Variants in ADAMTS14 observed in about 807,000 individuals in gnomAD.
ADAMTS14 encodes the protein ADAM metallopeptidase with thrombospondin type 1 motif 14, also known as A disintegrin and metalloproteinase with thrombospondin motifs 14.
ADAMTS14 carries 100 observed loss-of-function variants against 128.6 expected under a neutral mutation model. The observed-to-expected ratio is 0.78, with a 90% CI of 0.66 to 0.92. The LOEUF (loss-of-function observed/expected upper bound fraction) is 0.92. Ranked by LOEUF, ADAMTS14 falls within the 40% of genes least tolerant of loss-of-function variation. ADAMTS14 has a pLI of 0.00. For missense variants in ADAMTS14, 1,562 were observed against 1,658.6 expected (o/e 0.94, Z 1.01); for synonymous variants, 665 against 653.8 (o/e 1.02, Z -0.26).
chr10:70,727,911 C>T lies in ADAMTS14; in HGVS notation c.871-1383C>T, dbSNP rs185246769. ...GAGATCGAGACCATCCTGGCTAACA[C>T]GGTGAAACCCCGTCTCTACTAAAAA... On this transcript the variant is annotated intron_variant, in intron 4 of 21. Coordinates refer to ENST00000373207, the MANE Select transcript of ADAMTS14 (RefSeq NM_080722.4). Among the ~76,000 whole-genome samples, 931 of 152,120 alleles carry T rather than the reference C, an allele frequency of 6.1e-3. 4 individuals are homozygous for T. The highest frequency in any genetic ancestry group is 0.021 in the African/African-American group (881 of 41,494).
chr10:70,726,333 A>C (rs534768691), intron 4 of ADAMTS14, among the ~76,000 whole-genome samples: 56 of 152,320 alleles, frequency 3.7e-4, no homozygotes, highest in African/African-American at 1.3e-3. Flanking sequence ...AGAAATGAGA[A>C]ATATGGCAGG....
intron 2 of ADAMTS14, among the ~76,000 whole-genome samples, chr10:70,699,563 G>A (rs1156605667): frequency 2.0e-5 from 3 of 152,080 alleles, no homozygotes; most frequent in Non-Finnish European, 4.4e-5. Context: ...AGACTGGGAC[G>A]AGCACGATGA....
In ADAMTS14 at chr10:70,758,845, C is replaced by T. The variant is rs570496401; in HGVS notation, c.3178+560C>T. Reference sequence around the variant, plus strand: ...AGCCCCATGATTCAGTTCATCCTCCCATCTTTCCATTCATCCACCCACGGA... The same window carrying T: ...AGCCCCATGATTCAGTTCATCCTCCTATCTTTCCATTCATCCACCCACGGA... On this transcript the variant is annotated intron_variant, in intron 21 of 21. Transcript: ENST00000373207. Among the ~76,000 whole-genome samples, 3 of 152,282 alleles carry T rather than the reference C, an allele frequency of 2.0e-5. No individual in the cohort carries two copies. The South Asian group carries it at 6.2e-4, about 32-fold the overall frequency.
At chr10:70,683,182 G>A (rs1003873490) in intron 2 of ADAMTS14, among the ~76,000 whole-genome samples, 2 of 152,244 alleles carry the variant, frequency 1.3e-5, no homozygotes, top group African/African-American at 2.4e-5. Context: ...CGTGGGCCGA[G>A]TGGGCGTGTA....
At position 70,760,654 on chromosome 10, in the gene ADAMTS14, G is replaced by A; in HGVS notation, c.3473G>A (p.Ser1158Asn). 3.1e-6 allele frequency: 5 copies of A among 1,614,134 alleles called. No individual in the cohort carries two copies. The highest frequency in any genetic ancestry group is 4.2e-6 in the Non-Finnish European group (5 of 1,180,006). The change falls in exon 22 of 22, where the codon AGC becomes AAC. Residue 1158 changes from serine to asparagine, a missense_variant. Coordinates refer to ENST00000373207, the MANE Select transcript of ADAMTS14 (RefSeq NM_080722.4). Reference sequence around the variant, plus strand: ...CAGCTCCCAGGAGCTCTGGATACAAGCTCCCCAGGGACCCAGCATCCCTTT... The same window carrying A: ...CAGCTCCCAGGAGCTCTGGATACAAACTCCCCAGGGACCCAGCATCCCTTT... ...ATQLPGALDT[S>N]SPGTQHPFAP...
chr10:70,699,571 T>A (rs1268154383), intron 2 of ADAMTS14, among the ~76,000 whole-genome samples: 1 of 152,014 alleles, frequency 6.6e-6, no homozygotes, highest in Non-Finnish European at 1.5e-5. Context: ...ACGAGCACGA[T>A]GATCTTGAAA....
intron 16 of ADAMTS14, among the ~76,000 whole-genome samples, chr10:70,750,573 C>T (rs1400964048): frequency 6.6e-6 from 1 of 152,206 alleles, no homozygotes; most frequent in Non-Finnish European, 1.5e-5. Flanking sequence ...GGGCTTTGTT[C>T]CTGGTGTCAC....
chr10:70,677,333 A>G (rs956301480), intron 2 of ADAMTS14, among the ~76,000 whole-genome samples: 1 of 152,096 alleles, frequency 6.6e-6, no homozygotes, highest in South Asian at 2.1e-4. Context: ...GCCTCTGAGT[A>G]AATGTTCTCA....
At chr10:70,705,223 C>T (rs936936507) in intron 3 of ADAMTS14, among the ~76,000 whole-genome samples, 5 of 152,206 alleles carry the variant, frequency 3.3e-5, no homozygotes, top group African/African-American at 4.8e-5. Flanking sequence ...CCTCACCCCG[C>T]GGCCCTGCCT....
intron 12 of ADAMTS14, among the ~76,000 whole-genome samples, chr10:70,742,247 C>A (rs987837882): frequency 6.6e-6 from 1 of 152,214 alleles, no homozygotes; most frequent in Non-Finnish European, 1.5e-5. Flanking sequence ...AGCTGCCTGC[C>A]TGGGTCAGGA....
rs764281361 is a variant in ADAMTS14 at position 70,732,322 on chromosome 10, T to C, written c.1171T>C (p.Ser391Pro). 6 of 1,614,188 alleles carry C rather than the reference T, an allele frequency of 3.7e-6. No homozygotes were observed. The highest frequency in any genetic ancestry group is 5.1e-6 in the Non-Finnish European group (6 of 1,180,030). Residue 391 changes from serine to proline, a missense_variant, in exon 7 of 22, where the codon TCC (serine) becomes CCC (proline). Coordinates refer to ENST00000373207, the MANE Select transcript of ADAMTS14 (RefSeq NM_080722.4). Reference sequence around the variant, plus strand: ...TGCCCTCAACCATGAGGATGGCTTCTCCTCAGCCTTCGTGATAGCTCATGA... The same window carrying C: ...TGCCCTCAACCATGAGGATGGCTTCCCCTCAGCCTTCGTGATAGCTCATGA... ...SCALNHEDGF[S>P]SAFVIAHETG...
At chr10:70,740,730 C>T (rs1196659026) in intron 11 of ADAMTS14, among the ~76,000 whole-genome samples, 3 of 152,210 alleles carry the variant, frequency 2.0e-5, no homozygotes, top group Non-Finnish European at 4.4e-5. Context: ...GTCTGTACAT[C>T]TGTCCGTCAC....
At chr10:70,745,516 G>A in intron 15 of ADAMTS14, 1 of 622,138 alleles carries the variant, frequency 1.6e-6, no homozygotes, top group South Asian at 1.8e-5. Context: ...TCTCAAAGGG[G>A]ACCTAGTAAA....
chr10:70,697,227 A>G (rs1279073439), intron 2 of ADAMTS14, among the ~76,000 whole-genome samples: 2 of 152,266 alleles, frequency 1.3e-5, no homozygotes, highest in Admixed American at 1.3e-4. Context: ...CCCACTCCTC[A>G]GCTGGCTTCA....
chr10:70,674,359 C>T (rs979550772), intron 1 of ADAMTS14, among the ~76,000 whole-genome samples, 197 bp from the exon 2 acceptor site: 2 of 152,128 alleles, frequency 1.3e-5, no homozygotes, highest in Non-Finnish European at 2.9e-5. Flanking sequence ...CCACAAGGTA[C>T]CCGAACACCC....
intron 10 of ADAMTS14, among the ~76,000 whole-genome samples, chr10:70,738,085 T>C (rs1162629060): frequency 1.7e-5 from 1 of 59,840 alleles, no homozygotes; most frequent in Non-Finnish European, 3.2e-5. Context: ...TCTGAAGTTG[T>C]AAAATCTCCC....
At chr10:70,687,232 G>T (rs1316923037) in intron 2 of ADAMTS14, among the ~76,000 whole-genome samples, 104 of 106,802 alleles carry the variant, frequency 9.7e-4, no homozygotes, top group African/African-American at 3.0e-3. Context: ...TGGCTGGGCG[G>T]GGGGCTGACC....
At chr10:70,719,574 A>AT (rs1241539492) in intron 4 of ADAMTS14, among the ~76,000 whole-genome samples, 17 of 143,650 alleles carry the variant, frequency 1.2e-4, no homozygotes, top group Middle Eastern at 3.7e-3. Flanking sequence ...GCTAATTTTT[A>AT]TTTTTTTTTT....
chr10:70,730,726 T>C (rs777576660), intron 6 of ADAMTS14, among the ~76,000 whole-genome samples: 4 of 152,254 alleles, frequency 2.6e-5, no homozygotes, highest in Middle Eastern at 3.4e-3. Context: ...AATTGTGGAA[T>C]GGGGAACATC....
Sources: gnomAD v4.1 joint callset for allele counts (sites outside exome capture counted in the v4.1 genomes callset) on GRCh38, gnomAD v4.1.1 for gene constraint, MANE v1.5 for transcripts, NCBI Gene and HGNC (gene_info 2026-07-23, HGNC 2026-07-21) for gene names.